Variants in TANC2 observed in about 807,000 individuals in gnomAD.
TANC2 encodes the protein tetratricopeptide repeat, ankyrin repeat and coiled-coil containing 2.
A neutral mutation model predicts 210.5 loss-of-function variants in TANC2; 26 were observed. That is an observed-to-expected ratio of 0.12 (90% CI 0.09 to 0.17). The LOEUF (loss-of-function observed/expected upper bound fraction) is 0.17, where lower values mean the gene tolerates loss of function less well. Among genes scored for constraint, TANC2 ranks in the 10% least tolerant of loss-of-function variants. The pLI, the probability that TANC2 is intolerant of heterozygous loss-of-function variation, is 1.00. For synonymous variants in TANC2, 931 were observed against 967.1 expected (o/e 0.96, Z 0.69); for missense variants, 2,129 against 2,608.9 (o/e 0.82, Z 4.01).
At chr17:63,346,473 A>G (rs1482174990) in intron 12 of TANC2, among the ~76,000 whole-genome samples, 2 of 152,232 alleles carry the variant, frequency 1.3e-5, no homozygotes, top group African/African-American at 2.4e-5. Flanking sequence ...AGATACGTCA[A>G]CAGCCTACAA....
At chr17:63,100,717 G>A (rs1011112475) in intron 4 of TANC2, among the ~76,000 whole-genome samples, 1 of 152,136 alleles carries the variant, frequency 6.6e-6, no homozygotes, top group Non-Finnish European at 1.5e-5. Flanking sequence ...GAGCTGGATT[G>A]CCTGAAGTTT....
intron 8 of TANC2, among the ~76,000 whole-genome samples, chr17:63,250,029 C>T (rs192321176): frequency 6.6e-6 from 1 of 152,236 alleles, no homozygotes; most frequent in Admixed American, 6.6e-5. Context: ...AAATGCATGT[C>T]AGTTAAATGC....
At chr17:63,140,362 A>G (rs1165025310) in intron 4 of TANC2, among the ~76,000 whole-genome samples, 2 of 152,220 alleles carry the variant, frequency 1.3e-5, no homozygotes, top group African/African-American at 4.8e-5. Flanking sequence ...TTCATACAAC[A>G]AATGTTGGTT....
intron 2 of TANC2, among the ~76,000 whole-genome samples, chr17:63,016,464 G>A (rs930798582): frequency 3.9e-5 from 6 of 152,086 alleles, no homozygotes; most frequent in Admixed American, 3.9e-4. Flanking sequence ...CATTTTGTTG[G>A]TCTGTTCTTC....
chr17:63,051,202 TGCCTCA>T (rs926534476), intron 2 of TANC2, among the ~76,000 whole-genome samples: 1 of 152,270 alleles, frequency 6.6e-6, no homozygotes, highest in Non-Finnish European at 1.5e-5. Flanking sequence ...TTTATGATTA[TGCCTCA>T]GCCTACTTTT....
At chr17:63,311,632 C>T (rs2045127726) in intron 9 of TANC2, among the ~76,000 whole-genome samples, 1 of 152,072 alleles carries the variant, frequency 6.6e-6, no homozygotes, top group Non-Finnish European at 1.5e-5. Flanking sequence ...ACATTTCACT[C>T]CTAGATATAT....
At chr17:63,058,127 T>C (rs1489464783) in intron 2 of TANC2, among the ~76,000 whole-genome samples, 4 of 152,178 alleles carry the variant, frequency 2.6e-5, no homozygotes, top group African/African-American at 9.6e-5. Context: ...ATAGGCATTC[T>C]GACTGTGTGA....
chr17:63,409,245 C>T (rs2048612468), intron 21 of TANC2, among the ~76,000 whole-genome samples: 1 of 152,090 alleles, frequency 6.6e-6, no homozygotes, highest in Non-Finnish European at 1.5e-5. Context: ...GATCATAGCT[C>T]ACCAAAGCCT....
At chr17:63,340,474 A>G (rs1598892356) in intron 12 of TANC2, 142 bp downstream of exon 12, 2 of 685,036 alleles carry the variant, frequency 2.9e-6, no homozygotes, top group East Asian at 2.8e-5. Context: ...TACAGTTAAC[A>G]GACAAGAGAT....
intron 2 of TANC2, among the ~76,000 whole-genome samples, chr17:63,050,439 G>T (rs1294092670): frequency 6.6e-6 from 1 of 151,970 alleles, no homozygotes; most frequent in Non-Finnish European, 1.5e-5. Context: ...TGAGGTCCAG[G>T]TTAGAGATAT....
At chr17:63,280,282 A>C (rs2044021236) in intron 9 of TANC2, among the ~76,000 whole-genome samples, 3 of 152,074 alleles carry the variant, frequency 2.0e-5, no homozygotes, top group African/African-American at 7.2e-5. Context: ...GATTTGCCAA[A>C]TCTCAGGATG....
At chr17:63,356,948 C>T (rs2046799797) in intron 14 of TANC2, among the ~76,000 whole-genome samples, 1 of 152,122 alleles carries the variant, frequency 6.6e-6, no homozygotes, top group Admixed American at 6.5e-5. Context: ...TTAGTTAAAT[C>T]CTGTGGCTAA....
chr17:63,417,476 G>A (rs1384288693), intron 26 of TANC2, among the ~76,000 whole-genome samples: 2 of 152,076 alleles, frequency 1.3e-5, no homozygotes, highest in East Asian at 1.9e-4. Flanking sequence ...ACATGCCTGT[G>A]AGCGTGTTCC....
chr17:63,168,130 G>A (rs1180505878), intron 5 of TANC2, among the ~76,000 whole-genome samples: 1 of 152,144 alleles, frequency 6.6e-6, no homozygotes, highest in South Asian at 2.1e-4. Flanking sequence ...CACTTTGGGA[G>A]GACGAAGTAG....
intron 4 of TANC2, among the ~76,000 whole-genome samples, chr17:63,104,392 T>C (rs1023781535): frequency 2.6e-5 from 4 of 152,194 alleles, no homozygotes; most frequent in African/African-American, 9.7e-5. Context: ...TTGTTAAATT[T>C]AGTAAAACTT....
chr17:63,115,163 T>C (rs1163238089), intron 4 of TANC2, among the ~76,000 whole-genome samples: 2 of 152,114 alleles, frequency 1.3e-5, no homozygotes, highest in African/African-American at 4.8e-5. Flanking sequence ...CAAAAATAAC[T>C]ACTGGCACAA....
chr17:63,220,250 G>A (rs544865969), intron 7 of TANC2, among the ~76,000 whole-genome samples: 44 of 151,636 alleles, frequency 2.9e-4, no homozygotes, highest in African/African-American at 9.0e-4. Context: ...AGCCAAGATC[G>A]TGCCATTGCA....
chr17:63,278,642 A>C (rs2043967062), intron 9 of TANC2, among the ~76,000 whole-genome samples: 1 of 152,146 alleles, frequency 6.6e-6, no homozygotes. Flanking sequence ...TTCCAAAAGA[A>C]CTGAAATCAG....
intron 9 of TANC2, among the ~76,000 whole-genome samples, chr17:63,289,374 C>T (rs776945784): frequency 4.0e-5 from 6 of 151,708 alleles, no homozygotes; most frequent in Non-Finnish European, 8.8e-5. Context: ...TTTCAGTCTT[C>T]GTTCTCTTCG....
Sources: allele counts gnomAD v4.1 joint callset (sites outside exome capture counted in the v4.1 genomes callset), GRCh38; gene constraint gnomAD v4.1.1; transcripts MANE v1.5; gene names NCBI Gene and HGNC (gene_info 2026-07-23, HGNC 2026-07-21).